Variants in TXNL1 observed in about 807,000 individuals in gnomAD.
TXNL1 encodes thioredoxin like 1.
TXNL1 carries 14 observed loss-of-function variants against 35.5 expected under a neutral mutation model. The ratio of observed to expected loss-of-function variants is 0.39; its 90% confidence interval spans 0.26 to 0.62. The LOEUF is 0.62. Among genes scored for constraint, TXNL1 ranks in the 20% least tolerant of loss-of-function variants. TXNL1 has a pLI of 0.47. For synonymous variants in TXNL1, 110 were observed against 115.5 expected (o/e 0.95, Z 0.31); for missense variants, 263 against 349.7 (o/e 0.75, Z 1.98).
At chr18:56,634,415 G>A (rs938494164) in intron 1 of TXNL1, among the ~76,000 whole-genome samples, 9 of 152,124 alleles carry the variant, frequency 5.9e-5, no homozygotes, top group Non-Finnish European at 1.0e-4. Flanking sequence ...GTAAAACAAG[G>A]ATAGCTGTTA....
Position 56,629,476 on chromosome 18 carries a change from C to T in TXNL1, c.99-3019G>A, listed in dbSNP as rs1282107773. ...CCGGGAAGCGGAGGTTGCGGTGAGC[C>T]AAGATCACACCACTGCACCCCAGCC... is the stretch of plus-strand genomic sequence containing the variant. On this transcript the variant is annotated intron_variant, in intron 1 of 7. Transcript: ENST00000217515. Among the ~76,000 whole-genome samples, 3 of 152,118 alleles carry T rather than the reference C, an allele frequency of 2.0e-5. No individual in the cohort carries two copies. In the South Asian group the frequency reaches 6.2e-4, roughly 32 times the overall value.
Position 56,626,461 on chromosome 18 carries a change from T to G in TXNL1, c.99-4A>C. ...AATCCTCAAACATGGCCCACACCTGTTAGAAAAGGAAAATTAAGTAAAATA... is the reference window on the plus strand; with the variant it reads ...AATCCTCAAACATGGCCCACACCTGGTAGAAAAGGAAAATTAAGTAAAATA... On this transcript the variant is annotated splice_polypyrimidine_tract_variant and splice_region_variant and intron_variant, in intron 1 of 7. Transcript: ENST00000217515. 6.3e-7 allele frequency: 1 copy of G among 1,596,654 alleles called. No individual in the cohort carries two copies. The highest frequency in any genetic ancestry group is 1.1e-5 in the South Asian group (1 of 88,228).
At chr18:56,635,687 A>G (rs1167530447) in intron 1 of TXNL1, among the ~76,000 whole-genome samples, 3 of 152,166 alleles carry the variant, frequency 2.0e-5, no homozygotes, top group Non-Finnish European at 4.4e-5. Flanking sequence ...CCTTTAATGG[A>G]TATAGAATTT....
chr18:56,601,801 A>G lies in TXNL1; in HGVS notation c.*1226T>C, dbSNP rs2023813397. 1 of 152,250 alleles carries G rather than the reference A, an allele frequency of 6.6e-6. No homozygotes were observed. The highest frequency in any genetic ancestry group is 2.4e-5 in the African/African-American group (1 of 41,462). 9.4% of individuals were successfully genotyped at this position (152,250 alleles called of 1,614,324 possible). On this transcript the variant is annotated 3_prime_UTR_variant, in exon 8 of 8. Transcript: ENST00000217515. ...TTTAAAAATAGTTTTCAAAATACTC[A>G]GAAATTTTAAAATTAAAACTACCAA...
At chr18:56,627,995 T>C (rs1445237845) in intron 1 of TXNL1, among the ~76,000 whole-genome samples, 2 of 152,102 alleles carry the variant, frequency 1.3e-5, no homozygotes, top group African/African-American at 4.8e-5. Flanking sequence ...CTTATACTTC[T>C]AATACGTAAA....
At chr18:56,620,007 C>T (rs988141857) in intron 3 of TXNL1, among the ~76,000 whole-genome samples, 18 of 152,072 alleles carry the variant, frequency 1.2e-4, no homozygotes, top group Admixed American at 2.6e-4. Flanking sequence ...CTCACTCTGT[C>T]GCCCAGGCTG....
At chr18:56,608,921 T>C (rs570832818) in intron 7 of TXNL1, 263 of 142,206 alleles carry the variant, frequency 1.8e-3, no homozygotes, top group African/African-American at 6.5e-3. Context: ...CACTGCAGCA[T>C]GGGTGACAGA....
rs1483589440 is a variant in TXNL1 at position 56,614,430 on chromosome 18, A to G, written c.729T>C (p.Ser243=). 7 of 1,612,804 alleles carry G rather than the reference A, an allele frequency of 4.3e-6. No individual in the cohort carries two copies. Among genetic ancestry groups the G allele is most frequent in the African/African-American group, 1.3e-5 (1 of 74,874 alleles). The change falls in exon 6 of 8, where the codon AGT becomes AGC. Residue 243 remains serine, a synonymous_variant. Transcript: ENST00000217515. The part of the protein sequence containing the change: ...LRYVKFQNVN[S]VTIFVQSNQG... Reference sequence around the variant, plus strand: ...TGAACGAAATACTACTTACAGTTACACTGTTAACATTCTGAAACTTAACAT... The same window carrying G: ...TGAACGAAATACTACTTACAGTTACGCTGTTAACATTCTGAAACTTAACAT...
intron 3 of TXNL1, among the ~76,000 whole-genome samples, chr18:56,618,962 C>T (rs1460600653): frequency 6.6e-6 from 1 of 151,928 alleles, no homozygotes; most frequent in East Asian, 1.9e-4. Flanking sequence ...CTAATCCCAG[C>T]ACTTTGGGAG....
chr18:56,626,271 G>T, intron 2 of TXNL1, 90 bp downstream of exon 2: 1 of 1,532,244 alleles, frequency 6.5e-7, no homozygotes, highest in East Asian at 2.3e-5. Context: ...TAAGTACTAT[G>T]TGCATCAAGA....
intron 7 of TXNL1, among the ~76,000 whole-genome samples, chr18:56,606,202 C>G (rs936847204): frequency 6.6e-6 from 1 of 152,106 alleles, no homozygotes; most frequent in African/African-American, 2.4e-5. Flanking sequence ...CGGTGAAACC[C>G]CGTCTCTACT....
At chr18:56,633,175 C>T (rs796420459) in intron 1 of TXNL1, among the ~76,000 whole-genome samples, 28 of 152,202 alleles carry the variant, frequency 1.8e-4, no homozygotes, top group African/African-American at 5.8e-4. Flanking sequence ...AGGCAGGGCA[C>T]GGTGGCTCAC....
chr18:56,616,959 T>C (rs886771105), intron 4 of TXNL1, among the ~76,000 whole-genome samples: 5 of 152,214 alleles, frequency 3.3e-5, no homozygotes, highest in East Asian at 3.8e-4. Context: ...AAAAGTGTGT[T>C]TGATGTACGT....
Position 56,624,292 on chromosome 18 carries a change from C to A in TXNL1, c.365G>T (p.Gly122Val). ...TTCACTTTTCAGTCTACATACATAG[C>A]CTTTTGGAATATCTGTGTCCTCATT... The part of the protein sequence containing the change: ...GSNEDTDIPK[G>V]YMDLMPFINK... The change falls in exon 3 of 8, where the codon GGC (glycine) becomes GTC (valine). Residue 122 changes from glycine (G) to valine (V), a missense_variant. Physicochemically the swap from Gly to Val is moderately radical, Grantham distance 109. Coordinates refer to ENST00000217515, the MANE Select transcript of TXNL1 (RefSeq NM_004786.3). 1 of 1,612,350 alleles carries A rather than the reference C, an allele frequency of 6.2e-7. No homozygotes were observed. The highest frequency in any genetic ancestry group is 8.5e-7 in the Non-Finnish European group (1 of 1,179,096).
In TXNL1 at chr18:56,599,750, G is replaced by C. The variant is rs1381400280; in HGVS notation, c.*3277C>G. On this transcript the variant is annotated 3_prime_UTR_variant, in exon 8 of 8. Coordinates refer to ENST00000217515, the MANE Select transcript of TXNL1 (RefSeq NM_004786.3). ...TTTTTTGTATTTTTAGTAGAGACAG[G>C]GTTTCTCCATGTTAGCCAGGCTGGT... The C allele has an allele frequency of 1.3e-5, 2 of 151,918 alleles. No homozygotes were observed. The highest frequency in any genetic ancestry group is 2.9e-5 in the Non-Finnish European group (2 of 68,020). 9.4% of individuals were successfully genotyped at this position (151,918 alleles called of 1,614,324 possible).
chr18:56,638,291 G>A (rs2024489011), intron 1 of TXNL1, 52 bp downstream of exon 1: 1 of 1,536,032 alleles, frequency 6.5e-7, no homozygotes, highest in Non-Finnish European at 8.9e-7. Flanking sequence ...AAGAGTGAAA[G>A]GAAAGCAAGG....
chr18:56,617,086 A>G (rs1456803766), intron 4 of TXNL1, among the ~76,000 whole-genome samples: 1 of 152,198 alleles, frequency 6.6e-6, no homozygotes, highest in Non-Finnish European at 1.5e-5. Context: ...AAGAAACACA[A>G]TGTGAATGAT....
At position 56,638,568 on chromosome 18, in the gene TXNL1, C is replaced by G. The variant is rs2024496987; in HGVS notation, c.-128G>C. The G allele has an allele frequency of 1.2e-5, 11 of 907,084 alleles. No homozygotes were observed. In the South Asian group the frequency reaches 2.0e-4, roughly 17 times the overall value. 56.2% of individuals were successfully genotyped at this position (907,084 alleles called of 1,614,324 possible). On this transcript the variant is annotated 5_prime_UTR_variant, in exon 1 of 8. Coordinates refer to ENST00000217515, the MANE Select transcript of TXNL1 (RefSeq NM_004786.3). ...CCTGGACAGAAGAGGTGGCGACCGC[C>G]GAGTCTTCTCCCGGGACTCTCAGTG...
chr18:56,626,508 A>C lies in TXNL1; in HGVS notation c.99-51T>G, dbSNP rs376207513. The C allele has an allele frequency of 1.8e-4, 261 of 1,451,060 alleles. 1 individual carries two copies. The African/African-American group carries it at 3.3e-3, about 18-fold the overall frequency. 89.9% of individuals were successfully genotyped at this position (1,451,060 alleles called of 1,614,324 possible). A position where few individuals can be genotyped will look rare whatever the true frequency, so the allele number is the denominator to read the frequency against. ...AATAACACTAAAGATTGTAATTCTA[A>C]AGCACTCGTCAATTAAACATAAAAT... On this transcript the variant is annotated intron_variant, in intron 1 of 7. Coordinates refer to ENST00000217515, the MANE Select transcript of TXNL1 (RefSeq NM_004786.3).
Sources: allele counts gnomAD v4.1 joint callset (sites outside exome capture counted in the v4.1 genomes callset), GRCh38; gene constraint gnomAD v4.1.1; transcripts MANE v1.5; gene names NCBI Gene and HGNC (gene_info 2026-07-23, HGNC 2026-07-21).